The following CD96 variants were observed in gnomAD, a reference collection of about 807,000 sequenced individuals.
CD96 encodes the protein CD96 molecule, also known as T-cell surface protein tactile.
In CD96, 70 loss-of-function variants were observed where a neutral mutation model predicts 71.3. The observed-to-expected ratio is 0.98, with a 90% CI of 0.81 to 1.20. The LOEUF is 1.20. CD96 is among the 50% of genes most tolerant of loss of function. The pLI is 0.00. For synonymous variants in CD96, 248 were observed against 233.0 expected, an observed-to-expected ratio of 1.06 and a Z score of -0.59; for missense variants, 742 against 677.5, an observed-to-expected ratio of 1.10 and a Z score of -1.06.
At chr3:111,641,860 C>T (rs1939606960) in intron 12 of CD96, among the ~76,000 whole-genome samples, 1 of 152,142 alleles carries the variant, frequency 6.6e-6, no homozygotes, top group African/African-American at 2.4e-5. Flanking sequence ...CAAAACCACG[C>T]AAATACACGA....
At chr3:111,569,486 G>A (rs1017654531) in intron 3 of CD96, among the ~76,000 whole-genome samples, 1 of 152,184 alleles carries the variant, frequency 6.6e-6, no homozygotes, top group Non-Finnish European at 1.5e-5. Context: ...GGTTAATTAA[G>A]TGAGATAATT....
intron 2 of CD96, among the ~76,000 whole-genome samples, chr3:111,566,692 G>A (rs1247316565): frequency 6.6e-6 from 1 of 152,038 alleles, no homozygotes; most frequent in Non-Finnish European, 1.5e-5. Flanking sequence ...TTCCCAATAG[G>A]AGAGACTACA....
rs1021996438 is a variant in CD96 at position 111,568,641 on chromosome 3, C to T, written c.543+994C>T. On this transcript the variant is annotated intron_variant, in intron 3 of 13. Coordinates refer to ENST00000352690, the MANE Select transcript of CD96 (RefSeq NM_005816.5). ...ACTTTGTCTGCCTTTGTTATTTTATCCTTAGTCTACATTGTTCTGCCTAAT... is the reference window on the plus strand; with the variant it reads ...ACTTTGTCTGCCTTTGTTATTTTATTCTTAGTCTACATTGTTCTGCCTAAT... Among the ~76,000 whole-genome samples the T allele has an allele frequency of 6.6e-5, 10 of 152,150 alleles. 1 individual carries two copies. The highest frequency in any genetic ancestry group is 3.8e-4 in the East Asian group (2 of 5,202).
intron 5 of CD96, among the ~76,000 whole-genome samples, chr3:111,589,499 C>G (rs1407296228): frequency 6.6e-6 from 1 of 152,222 alleles, no homozygotes; most frequent in Non-Finnish European, 1.5e-5. Flanking sequence ...CACACATAAC[C>G]AGCTACAGGA....
intron 7 of CD96, among the ~76,000 whole-genome samples, chr3:111,603,189 C>T (rs1937536621): frequency 6.6e-6 from 1 of 152,158 alleles, no homozygotes; most frequent in Non-Finnish European, 1.5e-5. Context: ...TGCCTGCAAT[C>T]CCAGAACTTT....
intron 4 of CD96, among the ~76,000 whole-genome samples, chr3:111,584,583 T>C (rs1936617065): frequency 6.6e-6 from 1 of 152,184 alleles, no homozygotes; most frequent in Non-Finnish European, 1.5e-5. Flanking sequence ...AGAATCATGG[T>C]GCGTGGTGAA....
intron 10 of CD96, among the ~76,000 whole-genome samples, chr3:111,635,481 A>T (rs1939284078): frequency 6.6e-6 from 1 of 152,234 alleles, no homozygotes; most frequent in Non-Finnish European, 1.5e-5. Flanking sequence ...TACAAAAAGA[A>T]AATGGCATAA....
chr3:111,630,059 T>C (rs112041714), intron 10 of CD96, among the ~76,000 whole-genome samples: 31 of 152,044 alleles, frequency 2.0e-4, no homozygotes, highest in African/African-American at 7.2e-4. Context: ...ATCAAAAAGC[T>C]AGAAAAATCT....
At chr3:111,548,006 A>G (rs573912542) in intron 2 of CD96, among the ~76,000 whole-genome samples, 2 of 152,260 alleles carry the variant, frequency 1.3e-5, no homozygotes, top group Admixed American at 6.5e-5. Flanking sequence ...TCTACCCTTT[A>G]CTGTTTTGAT....
At chr3:111,630,024 G>A (rs972573708) in intron 10 of CD96, among the ~76,000 whole-genome samples, 1 of 152,112 alleles carries the variant, frequency 6.6e-6, no homozygotes, top group Non-Finnish European at 1.5e-5. Context: ...TGCTAAGAAG[G>A]AAATCGATAG....
chr3:111,616,639 G>T (rs1178653070), intron 8 of CD96, among the ~76,000 whole-genome samples: 1 of 152,218 alleles, frequency 6.6e-6, no homozygotes, highest in South Asian at 2.1e-4. Context: ...ACAGCCTTGG[G>T]TTCAGTTGTT....
At chr3:111,569,149 CTA>C (rs1363504229) in intron 3 of CD96, among the ~76,000 whole-genome samples, 1 of 152,066 alleles carries the variant, frequency 6.6e-6, no homozygotes, top group Non-Finnish European at 1.5e-5. Context: ...AAACTAGACC[CTA>C]TATATAAAAA....
intron 10 of CD96, among the ~76,000 whole-genome samples, chr3:111,625,840 T>A (rs1359387370): frequency 6.6e-6 from 1 of 152,160 alleles, no homozygotes; most frequent in Non-Finnish European, 1.5e-5. Flanking sequence ...GGGAACATAT[T>A]TGCCACACAT....
At chr3:111,584,897 A>G (rs569269772) in intron 4 of CD96, among the ~76,000 whole-genome samples, 14 of 152,208 alleles carry the variant, frequency 9.2e-5, no homozygotes, top group South Asian at 6.2e-4. Context: ...TTGCACTACC[A>G]GTCTTCCACA....
downstream of CD96, among the ~76,000 whole-genome samples, chr3:111,656,625 T>C (rs1940236480): frequency 6.6e-6 from 1 of 152,136 alleles, no homozygotes; most frequent in Non-Finnish European, 1.5e-5. Flanking sequence ...TATAGGAGAT[T>C]GGTTGAATAA....
At chr3:111,628,531 G>A (rs1337398237) in intron 10 of CD96, among the ~76,000 whole-genome samples, 3 of 152,192 alleles carry the variant, frequency 2.0e-5, no homozygotes, top group South Asian at 2.1e-4. Flanking sequence ...ATTATGCAAT[G>A]AGACTGAATC....
intron 10 of CD96, chr3:111,633,910 A>C (rs1939197724): frequency 6.6e-6 from 1 of 152,600 alleles, no homozygotes; most frequent in South Asian, 2.1e-4. Context: ...AGAACTCAGA[A>C]TGCCTTAAGG....
At chr3:111,664,167 AC>A (rs1160977024) in intron 14 of CD96, among the ~76,000 whole-genome samples, 1 of 145,352 alleles carries the variant, frequency 6.9e-6, no homozygotes, top group Non-Finnish European at 1.5e-5. Context: ...TTGGGTGTAT[AC>A]CCAAAGGAAA....
chr3:111,547,309 T>A (rs112233506), intron 2 of CD96, among the ~76,000 whole-genome samples: 4,528 of 152,340 alleles, frequency 0.03, 94 homozygotes, highest in Middle Eastern at 0.048. Context: ...TCCAATTAAA[T>A]ATGAGCCCTG....
Sources: gnomAD v4.1 joint callset for allele counts (sites outside exome capture counted in the v4.1 genomes callset) on GRCh38, gnomAD v4.1.1 for gene constraint, MANE v1.5 for transcripts, NCBI Gene and HGNC (gene_info 2026-07-23, HGNC 2026-07-21) for gene names.